The following FMN2 variants were observed in gnomAD, a reference collection of about 807,000 sequenced individuals.
The protein encoded by FMN2 is formin 2, also known as formin-2.
FMN2 carries 51 observed loss-of-function variants against 142.3 expected under a neutral mutation model. The observed-to-expected ratio is 0.36, with a 90% CI of 0.29 to 0.45. The LOEUF (loss-of-function observed/expected upper bound fraction) is 0.45, where lower values mean the gene tolerates loss of function less well. Ranked by LOEUF, FMN2 falls within the 20% of genes least tolerant of loss-of-function variation. The pLI is 1.00. For missense variants in FMN2, 1,936 were observed against 2,122.8 expected (o/e 0.91, Z 1.73); for synonymous variants, 882 against 869.8 (o/e 1.01, Z -0.25).
chr1:240,365,192 TAC>T (rs1672622613), intron 14 of FMN2, among the ~76,000 whole-genome samples: 4 of 143,294 alleles, frequency 2.8e-5, no homozygotes, highest in African/African-American at 1.1e-4. Flanking sequence ...TATATATACA[TAC>T]ATATGTGTGT....
intron 6 of FMN2, among the ~76,000 whole-genome samples, chr1:240,232,889 T>C (rs1667574902): frequency 6.6e-6 from 1 of 152,214 alleles, no homozygotes; most frequent in African/African-American, 2.4e-5. Flanking sequence ...TTACTGTTTT[T>C]CTTACTCATC....
chr1:240,133,817 T>G (rs1033694479), intron 2 of FMN2, among the ~76,000 whole-genome samples: 4 of 152,198 alleles, frequency 2.6e-5, no homozygotes, highest in African/African-American at 9.6e-5. Flanking sequence ...ATTACACATA[T>G]TATAATTGCC....
At chr1:240,136,277 T>A (rs529317971) in intron 2 of FMN2, among the ~76,000 whole-genome samples, 117 of 152,292 alleles carry the variant, frequency 7.7e-4, no homozygotes, top group Admixed American at 1.2e-3. Flanking sequence ...TTCAAGTGCA[T>A]CGTTGCAAAA....
intron 7 of FMN2, among the ~76,000 whole-genome samples, chr1:240,290,779 G>GGTTTTTTT (rs1669752939): frequency 8.9e-6 from 1 of 112,502 alleles, no homozygotes; most frequent in African/African-American, 3.7e-5. Flanking sequence ...CTGTTTGTTT[G>GGTTTTTTT]GTTTTTTTTT....
intron 14 of FMN2, among the ~76,000 whole-genome samples, chr1:240,382,809 A>G (rs1673275715): frequency 6.6e-6 from 1 of 152,158 alleles, no homozygotes; most frequent in African/African-American, 2.4e-5. Flanking sequence ...TAACCAAGTA[A>G]TCTTAAATAA....
intron 16 of FMN2, among the ~76,000 whole-genome samples, chr1:240,462,947 G>C (rs1323233592): frequency 1.3e-5 from 2 of 152,142 alleles, no homozygotes; most frequent in Non-Finnish European, 2.9e-5. Flanking sequence ...AAATGAGTAG[G>C]CAGTCCCAGG....
chr1:240,125,468 C>T (rs963537420), intron 2 of FMN2, among the ~76,000 whole-genome samples: 7 of 152,100 alleles, frequency 4.6e-5, no homozygotes, highest in African/African-American at 1.4e-4. Context: ...AGAGGCAGAA[C>T]GCTAGAATGA....
At chr1:240,281,771 C>CT (rs1669404247) in intron 7 of FMN2, among the ~76,000 whole-genome samples, 1 of 152,070 alleles carries the variant, frequency 6.6e-6, no homozygotes, top group Non-Finnish European at 1.5e-5. Flanking sequence ...GGTAATATCT[C>CT]TAAGGTACTG....
chr1:240,441,899 T>C (rs1675633658), intron 16 of FMN2, among the ~76,000 whole-genome samples: 2 of 152,160 alleles, frequency 1.3e-5, no homozygotes, highest in Non-Finnish European at 2.9e-5. Context: ...TTGATCATTG[T>C]AGGTAATAAA....
intron 6 of FMN2, among the ~76,000 whole-genome samples, chr1:240,256,841 C>G (rs1558396688): frequency 6.6e-6 from 1 of 152,140 alleles, no homozygotes; most frequent in Non-Finnish European, 1.5e-5. Context: ...TTCCTCACCC[C>G]CATCCGTGCT....
chr1:240,214,667 G>C (rs527428365), intron 6 of FMN2, among the ~76,000 whole-genome samples: 1 of 152,288 alleles, frequency 6.6e-6, no homozygotes, highest in Non-Finnish European at 1.5e-5. Context: ...GAGCCAGTAA[G>C]TGTTTAGTCC....
chr1:240,229,715 C>T (rs1240051949), intron 6 of FMN2, among the ~76,000 whole-genome samples: 1 of 74,450 alleles, frequency 1.3e-5, no homozygotes, highest in Admixed American at 1.1e-4. Context: ...GGCATGATCT[C>T]AGCTCACTGC....
Position 240,093,615 on chromosome 1 carries a change from G to A in FMN2, c.1506G>A (p.Leu502=). 1.4e-6 allele frequency: 2 copies of A among 1,426,206 alleles called. No individual in the cohort carries two copies. The highest frequency in any genetic ancestry group is 1.8e-6 in the Non-Finnish European group (2 of 1,100,908). 88.3% of individuals were successfully genotyped at this position (1,426,206 alleles called of 1,614,324 possible). ...CCCGGGTGGGAGGCTCCGCGCACCT[G>A]CTGGAGCGCGGGGTGGCGAGTGACA... ...RTPRVGGSAH[L]LERGVASDSG... Residue 502 remains leucine, a synonymous_variant, in exon 1 of 18, where the codon CTG becomes CTA. Coordinates refer to ENST00000319653, the MANE Select transcript of FMN2 (RefSeq NM_020066.5).
intron 2 of FMN2, among the ~76,000 whole-genome samples, chr1:240,166,021 G>C (rs763455751): frequency 3.3e-5 from 5 of 151,788 alleles, no homozygotes; most frequent in Admixed American, 6.6e-5. Flanking sequence ...CCGCTCACTA[G>C]GTCTGTGTTC....
At chr1:240,203,847 TC>T (rs1261970541) in intron 4 of FMN2, among the ~76,000 whole-genome samples, 1 of 152,194 alleles carries the variant, frequency 6.6e-6, no homozygotes, top group Non-Finnish European at 1.5e-5. Flanking sequence ...TTATTTTTTT[TC>T]CCACTATGGG....
At chr1:240,107,857 T>C (rs915282051) in intron 1 of FMN2, among the ~76,000 whole-genome samples, 2 of 152,138 alleles carry the variant, frequency 1.3e-5, no homozygotes, top group African/African-American at 4.8e-5. Context: ...TTGAATACTC[T>C]CAGTATGATG....
intron 15 of FMN2, among the ~76,000 whole-genome samples, chr1:240,396,585 G>C (rs974613413): frequency 6.6e-6 from 1 of 152,080 alleles, no homozygotes; most frequent in Non-Finnish European, 1.5e-5. Flanking sequence ...GTACTCAGTG[G>C]GTGGTTTTTG....
intron 2 of FMN2, among the ~76,000 whole-genome samples, chr1:240,159,941 A>ATATATATATATATATATATTTGTG (rs1433691714): frequency 8.9e-6 from 1 of 112,888 alleles, no homozygotes; most frequent in Non-Finnish European, 1.9e-5. Flanking sequence ...ATTTGTGTAT[A>ATATATATATATATATATATTTGTG]TATATATATC....
Position 240,092,783 on chromosome 1 carries a change from A to AGCT in FMN2, c.675_677dup (p.Leu226dup). ...CTCCAGCAACAGCAGCAGCAGCAGC[A>AGCT]GCTCCAGGGCGCCGAGGAGCCTGCA... On this transcript the variant is annotated inframe_insertion, in exon 1 of 18. Transcript: ENST00000319653. The AGCT allele has an allele frequency of 6.2e-7, 1 of 1,602,386 alleles. No homozygotes were observed.
Sources: gnomAD v4.1 joint callset for allele counts (sites outside exome capture counted in the v4.1 genomes callset) on GRCh38, gnomAD v4.1.1 for gene constraint, MANE v1.5 for transcripts, NCBI Gene and HGNC (gene_info 2026-07-23, HGNC 2026-07-21) for gene names.